The following NAV2 variants were observed in gnomAD, a reference collection of about 807,000 sequenced individuals.
The protein encoded by NAV2 is helicase, APC down-regulated 1.
In NAV2, 54 loss-of-function variants were observed where a neutral mutation model predicts 223.2. The observed-to-expected ratio is 0.24, with a 90% CI of 0.19 to 0.30. The LOEUF is 0.30. Among genes scored for constraint, NAV2 ranks in the 10% least tolerant of loss-of-function variants. The pLI is 1.00. For synonymous variants in NAV2, 1,279 were observed against 1,239.3 expected (o/e 1.03, Z -0.67); for missense variants, 2,806 against 3,147.5 (o/e 0.89, Z 2.60).
chr11:19,729,766 G>A lies in NAV2; in HGVS notation c.267+15804G>A, dbSNP rs549057307. Among the ~76,000 whole-genome samples, 13 of 152,266 alleles carry A rather than the reference G, an allele frequency of 8.5e-5. No homozygotes were observed. The South Asian group carries it at 1.5e-3, about 17-fold the overall frequency. ...CCACAGCTGAATCTCAGGTCTGCAG[G>A]GGACCCATGTTCCATGATAAAGTCT... On this transcript the variant is annotated intron_variant, in intron 1 of 37. Coordinates refer to ENST00000349880, the MANE Select transcript of NAV2 (RefSeq NM_145117.5).
intron 1 of NAV2, among the ~76,000 whole-genome samples, chr11:19,448,841 T>A (rs905721975): frequency 6.6e-6 from 1 of 152,216 alleles, no homozygotes; most frequent in African/African-American, 2.4e-5. Flanking sequence ...AAAGACTCTT[T>A]GGCAATGAAG....
chr11:19,975,928 T>C (rs2049691187), intron 10 of NAV2, among the ~76,000 whole-genome samples: 1 of 124,536 alleles, frequency 8.0e-6, no homozygotes, highest in South Asian at 2.7e-4. Context: ...TCCAAAGAGG[T>C]TAATAAGAAA....
In NAV2 at chr11:19,558,369, A is replaced by T. The variant is rs142426646; in HGVS notation, c.75+207342A>T. Among the ~76,000 whole-genome samples, 609 of 152,352 alleles carry T rather than the reference A, an allele frequency of 4.0e-3. 7 individuals carry two copies. Among genetic ancestry groups the T allele is most frequent in the African/African-American group, 0.014 (580 of 41,588 alleles). ...TCCTCAAATGCATGGCACCTCAGCT[A>T]AAGGCTGGCAGGGCCTCTCTCTCCA... On this transcript the variant is annotated intron_variant, in intron 1 of 37. Coordinates refer to the NAV2 transcript ENST00000360655.
intron 1 of NAV2, among the ~76,000 whole-genome samples, chr11:19,799,730 A>G (rs903052196): frequency 2.6e-5 from 4 of 152,120 alleles, no homozygotes; most frequent in African/African-American, 9.7e-5. Flanking sequence ...ATAGAGTCCC[A>G]AGTGCAGTAG....
intron 1 of NAV2, among the ~76,000 whole-genome samples, chr11:19,397,953 C>G (rs1188800115): frequency 1.3e-5 from 2 of 152,158 alleles, no homozygotes; most frequent in East Asian, 3.9e-4. Flanking sequence ...GGGATAGTAG[C>G]TGGCATTGCT....
At chr11:19,749,135 G>A (rs529465701) in intron 1 of NAV2, among the ~76,000 whole-genome samples, 1 of 152,332 alleles carries the variant, frequency 6.6e-6, no homozygotes, top group Admixed American at 6.5e-5. Context: ...ATTTGACAGT[G>A]ATCGATTCAT....
chr11:19,503,335 T>G (rs961248201), intron 1 of NAV2: 3 of 152,214 alleles, frequency 2.0e-5, no homozygotes, highest in Non-Finnish European at 4.4e-5. Flanking sequence ...TTACATTAGG[T>G]TCACTCTTGC....
intron 1 of NAV2, among the ~76,000 whole-genome samples, chr11:19,654,256 G>C (rs554867472): frequency 1.3e-5 from 2 of 152,148 alleles, no homozygotes; most frequent in Admixed American, 1.3e-4. Flanking sequence ...ACAAACAAAT[G>C]GAAGAACATT....
chr11:19,667,223 A>G (rs1367618384), intron 1 of NAV2, among the ~76,000 whole-genome samples: 1 of 152,232 alleles, frequency 6.6e-6, no homozygotes, highest in Non-Finnish European at 1.5e-5. Context: ...AGACAAACAG[A>G]TTTGTAGACG....
At chr11:19,541,535 C>T (rs2044342199) in intron 1 of NAV2, among the ~76,000 whole-genome samples, 1 of 152,232 alleles carries the variant, frequency 6.6e-6, no homozygotes, top group Admixed American at 6.5e-5. Flanking sequence ...GGGCCTTCTA[C>T]AGGAGCAGGC....
At chr11:19,703,384 G>A (rs1254641891) in intron 1 of NAV2, among the ~76,000 whole-genome samples, 3 of 152,198 alleles carry the variant, frequency 2.0e-5, no homozygotes, top group African/African-American at 7.2e-5. Context: ...TCAGAGGGTA[G>A]GCATGAAGGC....
chr11:19,720,094 C>T (rs746471595), intron 1 of NAV2, among the ~76,000 whole-genome samples: 5 of 152,224 alleles, frequency 3.3e-5, no homozygotes, highest in Admixed American at 6.5e-5. Flanking sequence ...GAGAGCTGGA[C>T]CTTGTGATCA....
chr11:19,974,966 T>C (rs937049607), intron 10 of NAV2, among the ~76,000 whole-genome samples: 2 of 152,206 alleles, frequency 1.3e-5, no homozygotes, highest in Non-Finnish European at 2.9e-5. Flanking sequence ...TTGGTCAGGC[T>C]CTCCAGAGGA....
intron 1 of NAV2, among the ~76,000 whole-genome samples, chr11:19,558,900 G>A (rs2044998795): frequency 6.6e-6 from 1 of 152,190 alleles, no homozygotes; most frequent in Non-Finnish European, 1.5e-5. Flanking sequence ...TGTTATTGCT[G>A]TCAAGTGTGT....
intron 1 of NAV2, among the ~76,000 whole-genome samples, chr11:19,596,221 T>G (rs1307692530): frequency 5.3e-5 from 8 of 152,190 alleles, no homozygotes; most frequent in Non-Finnish European, 8.8e-5. Context: ...TTTCCTTGTG[T>G]GCCCTTTCTG....
At chr11:19,878,591 AAAGTAGGGTGT>A in intron 4 of NAV2, among the ~76,000 whole-genome samples, 1 of 152,174 alleles carries the variant, frequency 6.6e-6, no homozygotes, top group Non-Finnish European at 1.5e-5. Flanking sequence ...GCTAGCTCCC[AAAGTAGGGTGT>A]GAAGGCTGGA....
At chr11:19,522,973 T>C (rs1207004712) in intron 1 of NAV2, among the ~76,000 whole-genome samples, 1 of 152,232 alleles carries the variant, frequency 6.6e-6, no homozygotes, top group African/African-American at 2.4e-5. Context: ...TCATCCACAG[T>C]TGAGGACTCA....
chr11:19,515,470 AT>A (rs1309958117), intron 1 of NAV2, among the ~76,000 whole-genome samples: 10 of 152,124 alleles, frequency 6.6e-5, no homozygotes, highest in South Asian at 2.1e-4. Flanking sequence ...CATGAACACA[AT>A]TTTTTAAGTG....
chr11:19,988,412 C>G (rs1167224030), intron 11 of NAV2, among the ~76,000 whole-genome samples: 2 of 138,676 alleles, frequency 1.4e-5, no homozygotes, highest in Middle Eastern at 3.5e-3. Context: ...GCGATAAGGC[C>G]ATATTACTTC....
Sources: allele counts gnomAD v4.1 joint callset (sites outside exome capture counted in the v4.1 genomes callset), GRCh38; gene constraint gnomAD v4.1.1; transcripts MANE v1.5; gene names NCBI Gene and HGNC (gene_info 2026-07-23, HGNC 2026-07-21).